The following MTUS2 variants were observed in gnomAD, a reference collection of about 807,000 sequenced individuals.
The protein encoded by MTUS2 is microtubule associated scaffold protein 2, also known as microtubule-associated tumor suppressor candidate 2.
In MTUS2, 40 loss-of-function variants were observed where a neutral mutation model predicts 114.1. The observed-to-expected ratio is 0.35, with a 90% CI of 0.27 to 0.46. The LOEUF (loss-of-function observed/expected upper bound fraction) is 0.46. Ranked by LOEUF, MTUS2 falls within the 20% of genes least tolerant of loss-of-function variation. The pLI is 1.00. For missense variants in MTUS2, 1,679 were observed against 1,705.4 expected, an observed-to-expected ratio of 0.98 and a Z score of 0.27; for synonymous variants, 688 against 672.0, an observed-to-expected ratio of 1.02 and a Z score of -0.37.
At chr13:29,173,582 G>A (rs889332782) in intron 5 of MTUS2, among the ~76,000 whole-genome samples, 2 of 152,228 alleles carry the variant, frequency 1.3e-5, no homozygotes, top group East Asian at 1.9e-4. Context: ...TTAGTACTGT[G>A]TTAAACATCT....
At chr13:29,032,646 T>A (rs957742153) in intron 3 of MTUS2, among the ~76,000 whole-genome samples, 1 of 152,214 alleles carries the variant, frequency 6.6e-6, no homozygotes. Flanking sequence ...ATGATAAAAC[T>A]TTAAAGGCCT....
chr13:29,454,577 G>T lies in MTUS2; in HGVS notation c.3184+14528G>T, dbSNP rs556077890. ...TAGTGGTCTAGGAGTTTAGAGGAGG[G>T]TTGTTACCCAGTCAGGGGTCCAGAA... On this transcript the variant is annotated intron_variant, in intron 9 of 15. Transcript: ENST00000612955. Among the ~76,000 whole-genome samples, 18 of 152,068 alleles carry T rather than the reference G, an allele frequency of 1.2e-4. 1 individual carries two copies. In the South Asian group the frequency reaches 3.7e-3, roughly 32 times the overall value.
chr13:29,363,680 TA>T (rs1188101812), intron 8 of MTUS2, among the ~76,000 whole-genome samples: 2 of 152,384 alleles, frequency 1.3e-5, no homozygotes, highest in Admixed American at 6.5e-5. Context: ...GGGGTATGTA[TA>T]TTTTTTATAT....
chr13:29,503,168 C>T lies in MTUS2; in HGVS notation c.4072C>T (p.Pro1358Ser). The T allele has an allele frequency of 6.2e-7, 1 of 1,614,152 alleles. No individual in the cohort carries two copies. Among genetic ancestry groups the T allele is most frequent in the Non-Finnish European group, 8.5e-7 (1 of 1,180,042 alleles). The stretch of plus-strand genomic sequence containing the variant: ...CGTTTACCGCGGCTCCTCCTCGGGG[C>T]CCTCCTCTCCGGCCAGAGTCAGCAC... ...SPVYRGSSSG[P>S]SSPARVSTTP... Residue 1358 changes from proline (P) to serine (S), a missense_variant, in exon 16 of 16, where the codon CCC becomes TCC. Pro to Ser is a moderately conservative substitution (Grantham distance 74). This residue lies in a region of MTUS2 where 822 missense variants were observed against 899.7 expected (regional missense o/e 0.91). Coordinates refer to ENST00000612955, the MANE Select transcript of MTUS2 (RefSeq NM_001033602.4).
At chr13:29,042,587 GT>G (rs1007757914) in intron 4 of MTUS2, among the ~76,000 whole-genome samples, 8 of 151,780 alleles carry the variant, frequency 5.3e-5, no homozygotes, top group Admixed American at 5.2e-4. Flanking sequence ...CTGTGAACTC[GT>G]CTGGTCCTGG....
At chr13:29,126,847 A>G (rs77718889) in intron 5 of MTUS2, among the ~76,000 whole-genome samples, 2,966 of 152,274 alleles carry the variant, frequency 0.019, 106 homozygotes, top group African/African-American at 0.067. Context: ...GCCACTTTGT[A>G]CACCAGTTTT....
At chr13:28,928,189 G>T (rs1474870157) in intron 2 of MTUS2, among the ~76,000 whole-genome samples, 1 of 151,896 alleles carries the variant, frequency 6.6e-6, no homozygotes, top group African/African-American at 2.4e-5. Flanking sequence ...ACATTGACAT[G>T]GGTAAAAAAA....
At chr13:29,252,715 A>G (rs949138288) in intron 5 of MTUS2, among the ~76,000 whole-genome samples, 2 of 152,008 alleles carry the variant, frequency 1.3e-5, no homozygotes, top group Non-Finnish European at 2.9e-5. Flanking sequence ...GGTAGTGAAT[A>G]AGTCTCACGA....
intron 7 of MTUS2, among the ~76,000 whole-genome samples, chr13:29,350,476 T>G (rs184528433): frequency 2.7e-3 from 170 of 61,978 alleles, no homozygotes; most frequent in Non-Finnish European, 8.5e-3. Flanking sequence ...AGACTTCAGA[T>G]CTCTGACATA....
chr13:29,269,683 A>G (rs1897803219), intron 5 of MTUS2, among the ~76,000 whole-genome samples: 1 of 152,180 alleles, frequency 6.6e-6, no homozygotes. Context: ...TAGAACTACC[A>G]TATGACCCAG....
intron 4 of MTUS2, among the ~76,000 whole-genome samples, chr13:29,048,498 G>T (rs755055672): frequency 2.0e-5 from 3 of 152,052 alleles, no homozygotes; most frequent in Admixed American, 6.6e-5. Flanking sequence ...TTTGAGATAG[G>T]GTCTCACTCT....
chr13:29,372,955 C>T lies in MTUS2; in HGVS notation c.3117+13482C>T, dbSNP rs181861327. On this transcript the variant is annotated intron_variant, in intron 8 of 15. Coordinates refer to ENST00000612955, the MANE Select transcript of MTUS2 (RefSeq NM_001033602.4). ...CTATTTGAGAACTTAAAAGGATATG[C>T]AGTGGGCAGATTAGAAAGAAGAGTT... Among the ~76,000 whole-genome samples the T allele has an allele frequency of 5.2e-3, 786 of 152,212 alleles. 6 individuals are homozygous for T. The highest frequency in any genetic ancestry group is 7.2e-3 in the Non-Finnish European group (491 of 68,018).
At chr13:28,892,961 A>T (rs903777) in intron 2 of MTUS2, among the ~76,000 whole-genome samples, 1 of 152,104 alleles carries the variant, frequency 6.6e-6, no homozygotes, top group Non-Finnish European at 1.5e-5. Flanking sequence ...TGGAATTTAG[A>T]TGTGAGGAGT....
chr13:29,226,709 A>G (rs1896120595), intron 5 of MTUS2, among the ~76,000 whole-genome samples: 1 of 152,160 alleles, frequency 6.6e-6, no homozygotes, highest in East Asian at 1.9e-4. Flanking sequence ...TCTCTTTAAT[A>G]TTAAAATTTT....
At chr13:28,888,367 G>A (rs1219330555) in intron 2 of MTUS2, among the ~76,000 whole-genome samples, 2 of 150,932 alleles carry the variant, frequency 1.3e-5, no homozygotes, top group African/African-American at 4.9e-5. Flanking sequence ...CATACAGAAT[G>A]AGAATATATC....
At chr13:28,859,526 G>C (rs1252485228) in intron 2 of MTUS2, among the ~76,000 whole-genome samples, 1 of 152,200 alleles carries the variant, frequency 6.6e-6, no homozygotes, top group Non-Finnish European at 1.5e-5. Context: ...GGCCCTGTGT[G>C]TGTGGGCATC....
intron 1 of MTUS2, among the ~76,000 whole-genome samples, chr13:28,838,033 A>G (rs1167622915): frequency 6.6e-6 from 1 of 152,018 alleles, no homozygotes; most frequent in African/African-American, 2.4e-5. Flanking sequence ...TTCTGTGACC[A>G]TGTCACAGAA....
At chr13:29,027,959 T>C (rs975462850) in intron 3 of MTUS2, among the ~76,000 whole-genome samples, 7 of 152,246 alleles carry the variant, frequency 4.6e-5, no homozygotes, top group Non-Finnish European at 8.8e-5. Context: ...CAGACTGCAC[T>C]GTGCTGTCCT....
chr13:29,377,599 A>T (rs1013226221), intron 8 of MTUS2, among the ~76,000 whole-genome samples: 3 of 152,214 alleles, frequency 2.0e-5, no homozygotes, highest in Admixed American at 2.0e-4. Flanking sequence ...ACAACATATC[A>T]AAATGTGTGG....
Sources: allele counts gnomAD v4.1 joint callset (sites outside exome capture counted in the v4.1 genomes callset), GRCh38; gene constraint gnomAD v4.1.1; regional missense constraint gnomAD v4.1.1; transcripts MANE v1.5; gene names NCBI Gene and HGNC (gene_info 2026-07-23, HGNC 2026-07-21).